The following SPINK5 variants were observed in gnomAD, a reference collection of about 807,000 sequenced individuals.
SPINK5 encodes the protein serine protease inhibitor Kazal-type 5.
In SPINK5, 125 loss-of-function variants were observed where a neutral mutation model predicts 151.8. That is an observed-to-expected ratio of 0.82 (90% confidence interval 0.71 to 0.96). The LOEUF (loss-of-function observed/expected upper bound fraction) is 0.96. Among genes scored for constraint, SPINK5 ranks in the 40% least tolerant of loss-of-function variants. SPINK5 has a pLI of 0.00. For synonymous variants in SPINK5, 374 were observed against 395.3 expected, an observed-to-expected ratio of 0.95 and a Z score of 0.64; for missense variants, 1,194 against 1,291.9, an observed-to-expected ratio of 0.92 and a Z score of 1.16.
intron 30 of SPINK5, among the ~76,000 whole-genome samples, chr5:148,127,487 C>T (rs1754459826): frequency 6.6e-6 from 1 of 152,168 alleles, no homozygotes. Flanking sequence ...TCCTGGAACT[C>T]TATGCCAAGC....
intron 12 of SPINK5, among the ~76,000 whole-genome samples, chr5:148,099,896 G>C (rs541062416): frequency 1.3e-5 from 2 of 152,140 alleles, no homozygotes; most frequent in African/African-American, 4.8e-5. Context: ...CCCACAAGCA[G>C]CTCATCATCA....
chr5:148,089,676 C>T (rs991311446), intron 7 of SPINK5, 55 bp downstream of exon 7: 83 of 1,609,454 alleles, frequency 5.2e-5, no homozygotes, highest in Middle Eastern at 3.3e-4. Context: ...GTTGCTGTCC[C>T]GAGAATCACT....
intron 2 of SPINK5, among the ~76,000 whole-genome samples, chr5:148,069,061 A>G (rs1047898702): frequency 6.6e-6 from 1 of 151,712 alleles, no homozygotes; most frequent in Non-Finnish European, 1.5e-5. Flanking sequence ...AGATCATGCC[A>G]CTGCACTCCA....
At chr5:148,114,041 C>T (rs1187169480) in intron 20 of SPINK5, among the ~76,000 whole-genome samples, 1 of 152,146 alleles carries the variant, frequency 6.6e-6, no homozygotes, top group Non-Finnish European at 1.5e-5. Context: ...CTTTGAACTT[C>T]AGTGATTGCT....
chr5:148,068,973 C>T (rs1449190165), intron 2 of SPINK5, among the ~76,000 whole-genome samples: 1 of 151,926 alleles, frequency 6.6e-6, no homozygotes, highest in African/African-American at 2.4e-5. Context: ...TGGTAGCATG[C>T]ACCTGTAATC....
intron 4 of SPINK5, among the ~76,000 whole-genome samples, chr5:148,081,029 C>T (rs1053525512): frequency 1.3e-5 from 2 of 151,454 alleles, no homozygotes; most frequent in African/African-American, 2.4e-5. Context: ...TGCGCAACAC[C>T]GTTATTATTT....
chr5:148,131,108 C>A (rs1270341361), intron 30 of SPINK5, 151 bp from the exon 31 acceptor site: 2 of 1,128,162 alleles, frequency 1.8e-6, no homozygotes, highest in East Asian at 2.4e-5. Flanking sequence ...TCATATGGTG[C>A]AAAATCAATC....
chr5:148,118,338 G>C, intron 22 of SPINK5, 99 bp from the exon 23 acceptor site: 3 of 1,554,404 alleles, frequency 1.9e-6, no homozygotes, highest in Admixed American at 1.7e-5. Context: ...CTTATAAAGA[G>C]AGGTGAAAGA....
In SPINK5 at chr5:148,099,318, G is replaced by A; in HGVS notation, c.1092+3G>A. On this transcript the variant is annotated splice_donor_region_variant and intron_variant, in intron 12 of 32. Transcript: ENST00000256084. Reference sequence around the variant, plus strand: ...CTGGAAAAGCAACCTCATATGCAGTGAGTGGAATCCATCCAATAAATCCTA... The same window carrying A: ...CTGGAAAAGCAACCTCATATGCAGTAAGTGGAATCCATCCAATAAATCCTA... 6.2e-7 allele frequency: 1 copy of A among 1,611,358 alleles called. No homozygotes were observed.
chr5:148,101,823 C>G lies in SPINK5; in HGVS notation c.1345C>G (p.Leu449Val), dbSNP rs1431744993. The change falls in exon 15 of 33, where the codon CTT becomes GTT. Residue 449 changes from leucine (L) to valine (V), a missense_variant. Physicochemically the swap from Leu to Val is conservative, Grantham distance 32. Coordinates refer to ENST00000256084, the MANE Select transcript of SPINK5 (RefSeq NM_006846.4). ...EYRKSRKNGR[L>V]FCTRENDPIQ... ...CCGCAAATCCAGGAAAAACGGACGG[C>G]TTTTTTGCACCAGAGAGAATGACCC... 1 of 1,613,690 alleles carries G rather than the reference C, an allele frequency of 6.2e-7. No individual in the cohort carries two copies. The highest frequency in any genetic ancestry group is 8.5e-7 in the Non-Finnish European group (1 of 1,179,802).
intron 27 of SPINK5, among the ~76,000 whole-genome samples, chr5:148,124,262 T>C (rs1324991179): frequency 6.6e-6 from 1 of 152,202 alleles, no homozygotes; most frequent in African/African-American, 2.4e-5. Context: ...GACTGAACAA[T>C]ATAGTTTTGT....
chr5:148,074,952 A>G (rs982292516), intron 4 of SPINK5, among the ~76,000 whole-genome samples: 1 of 151,754 alleles, frequency 6.6e-6, no homozygotes, highest in South Asian at 2.1e-4. Context: ...GACAAATTCT[A>G]TTGATTTCTT....
intron 30 of SPINK5, among the ~76,000 whole-genome samples, chr5:148,130,328 A>G (rs1026212582): frequency 1.3e-5 from 2 of 151,850 alleles, no homozygotes; most frequent in African/African-American, 4.8e-5. Context: ...ACTTATAAAT[A>G]TATTTCTTAT....
chr5:148,069,252 ATTAT>A (rs1488515555), intron 2 of SPINK5, among the ~76,000 whole-genome samples: 1 of 151,610 alleles, frequency 6.6e-6, no homozygotes, highest in African/African-American at 2.4e-5. Context: ...AATATTTAAT[ATTAT>A]TTATTAATAT....
intron 21 of SPINK5, among the ~76,000 whole-genome samples, chr5:148,114,728 A>T (rs942869931): frequency 3.3e-5 from 5 of 152,266 alleles, no homozygotes; most frequent in African/African-American, 4.8e-5. Context: ...CCCTGCCAGT[A>T]GATCACACTT....
In SPINK5 at chr5:148,111,834, C is replaced by T. The variant is rs1238566296; in HGVS notation, c.1759C>T (p.Pro587Ser). The stretch of plus-strand genomic sequence containing the variant: ...ACTCCCCTGTACCAGAGAGAATGAT[C>T]CTATTGAGGGTCTAGATGGGAAAAT... Reference protein sequence around the residue: ...GRLPCTRENDPIEGLDGKIHG... With the variant: ...GRLPCTRENDSIEGLDGKIHG... Residue 587 changes from proline (P) to serine (S), a missense_variant, in exon 19 of 33, where the codon CCT (proline) becomes TCT (serine). Pro to Ser is a moderately conservative substitution (Grantham distance 74). Coordinates refer to ENST00000256084, the MANE Select transcript of SPINK5 (RefSeq NM_006846.4). 1 of 1,613,864 alleles carries T rather than the reference C, an allele frequency of 6.2e-7. No individual in the cohort carries two copies. The highest frequency in any genetic ancestry group is 8.5e-7 in the Non-Finnish European group (1 of 1,179,936).
intron 2 of SPINK5, 57 bp downstream of exon 2, chr5:148,065,429 GT>G: frequency 6.3e-7 from 1 of 1,585,538 alleles, no homozygotes; most frequent in Non-Finnish European, 8.7e-7. Context: ...AAGAAAAGTG[GT>G]TTGTGGCCAA....
chr5:148,118,360 T>G (rs983046764), intron 22 of SPINK5, 77 bp from the exon 23 acceptor site: 1 of 1,602,632 alleles, frequency 6.2e-7, no homozygotes, highest in Non-Finnish European at 8.5e-7. Context: ...CTTCTCTTAC[T>G]CAGACTGTTA....
intron 2 of SPINK5, among the ~76,000 whole-genome samples, chr5:148,068,199 T>C (rs1160724592): frequency 6.6e-6 from 1 of 152,136 alleles, no homozygotes; most frequent in Non-Finnish European, 1.5e-5. Context: ...ACTACTCTGC[T>C]ACTCTGATGG....
Sources: allele counts gnomAD v4.1 joint callset (sites outside exome capture counted in the v4.1 genomes callset), GRCh38; gene constraint gnomAD v4.1.1; transcripts MANE v1.5; gene names NCBI Gene and HGNC (gene_info 2026-07-23, HGNC 2026-07-21).